UBE2D2: variants seen among roughly 807,000 people sequenced by gnomAD.
The protein encoded by UBE2D2 is ubiquitin conjugating enzyme E2 D2, also known as ubiquitin-conjugating enzyme E2 D2.
In UBE2D2, 2 loss-of-function variants were observed where a neutral mutation model predicts 24.2. That is an observed-to-expected ratio of 0.08 (90% CI 0.03 to 0.26). UBE2D2 has a LOEUF of 0.26. Among genes scored for constraint, UBE2D2 ranks in the 10% least tolerant of loss-of-function variants. The pLI, the probability that UBE2D2 is intolerant of heterozygous loss-of-function variation, is 1.00. For synonymous variants in UBE2D2, 58 were observed against 56.5 expected (o/e 1.03, Z -0.12); for missense variants, 44 against 177.6 (o/e 0.25, Z 4.28).
intron 1 of UBE2D2, among the ~76,000 whole-genome samples, chr5:139,527,499 G>A (rs1244685311): frequency 6.6e-6 from 1 of 152,210 alleles, no homozygotes; most frequent in Non-Finnish European, 1.5e-5. Context: ...AGTGTAACAT[G>A]TATTATGGTA....
Position 139,561,561 on chromosome 5 carries a change from G to A in UBE2D2, c.-231G>A, listed in dbSNP as rs1003825827. On this transcript the variant is annotated 5_prime_UTR_variant, in exon 1 of 7. Coordinates refer to ENST00000398733, the MANE Select transcript of UBE2D2 (RefSeq NM_003339.3). ...GGCGGCGGCGGCGGTGGCGGCTAGG[G>A]CGGCGGCGAATAAAGGGGCCGCCGC... 331 of 422,400 alleles carry A rather than the reference G, an allele frequency of 7.8e-4. No homozygotes were observed. The highest frequency in any genetic ancestry group is 1.2e-3 in the Non-Finnish European group (281 of 240,168). The allele number at this position is 422,400 out of a possible 1,614,324, so 26.2% of individuals were successfully genotyped here.
At chr5:139,571,054 G>C (rs1235654045) in intron 1 of UBE2D2, among the ~76,000 whole-genome samples, 2 of 152,162 alleles carry the variant, frequency 1.3e-5, no homozygotes, top group African/African-American at 4.8e-5. Flanking sequence ...CAGAGTACCT[G>C]TTCTGCAGAG....
At chr5:139,580,006 G>A (rs1266802859) in intron 1 of UBE2D2, among the ~76,000 whole-genome samples, 3 of 149,916 alleles carry the variant, frequency 2.0e-5, no homozygotes, top group African/African-American at 4.9e-5. Flanking sequence ...AGATCATGCC[G>A]TTGCACACCT....
At chr5:139,588,353 G>A (rs535924408) in intron 1 of UBE2D2, among the ~76,000 whole-genome samples, 109 of 151,670 alleles carry the variant, frequency 7.2e-4, no homozygotes, top group Non-Finnish European at 1.1e-3. Flanking sequence ...TCAGCTCACT[G>A]CAACCTCCGC....
chr5:139,611,173 T>G lies in UBE2D2; in HGVS notation c.89-3413T>G, dbSNP rs966452451. On this transcript the variant is annotated intron_variant, in intron 2 of 6. Transcript: ENST00000398733. Reference sequence around the variant, plus strand: ...AGTAGTTCTAGATGACAAGTTTTCCTTCTTTTTTTTTTTTTTTTTTTTTTT... The same window carrying G: ...AGTAGTTCTAGATGACAAGTTTTCCGTCTTTTTTTTTTTTTTTTTTTTTTT... 2.3e-5 allele frequency among the ~76,000 whole-genome samples: 3 copies of G among 130,000 alleles called. No homozygotes were observed. In the Admixed American group the frequency reaches 2.8e-4, roughly 12 times the overall value. 85.3% of individuals were successfully genotyped at this position (130,000 alleles called of 152,430 possible).
intron 1 of UBE2D2, among the ~76,000 whole-genome samples, chr5:139,573,692 G>A (rs552017997): frequency 7.0e-4 from 106 of 152,144 alleles, no homozygotes; most frequent in Non-Finnish European, 1.2e-3. Context: ...TTTCTCGGCC[G>A]GGCGCAGTGG....
intron 1 of UBE2D2, among the ~76,000 whole-genome samples, chr5:139,553,749 C>G (rs1403480251): frequency 6.6e-6 from 1 of 152,018 alleles, no homozygotes; most frequent in Non-Finnish European, 1.5e-5. Flanking sequence ...TACAATAAAT[C>G]TTTAATGTTT....
chr5:139,598,634 C>T (rs541672184), intron 1 of UBE2D2, among the ~76,000 whole-genome samples: 39 of 143,084 alleles, frequency 2.7e-4, no homozygotes, highest in African/African-American at 9.7e-4. Flanking sequence ...GATCTCGGCT[C>T]ACTGCAACCT....
chr5:139,585,935 C>CAAAAAAAAAA (rs60277561), intron 1 of UBE2D2, among the ~76,000 whole-genome samples: 4 of 25,562 alleles, frequency 1.6e-4, no homozygotes, highest in Admixed American at 4.8e-4. Context: ...GACTCTGTCT[C>CAAAAAAAAAA]AAAAAAAAAA....
chr5:139,560,989 G>C (rs976521880), upstream of UBE2D2, among the ~76,000 whole-genome samples: 1 of 152,192 alleles, frequency 6.6e-6, no homozygotes, highest in East Asian at 1.9e-4. Context: ...GTGGGCCTAA[G>C]TGCCTCCTCC....
chr5:139,529,798 A>G (rs537092321), intron 1 of UBE2D2, among the ~76,000 whole-genome samples: 14 of 152,334 alleles, frequency 9.2e-5, no homozygotes, highest in African/African-American at 3.4e-4. Context: ...ATGATGAACT[A>G]AATGTGCCAG....
chr5:139,589,729 T>A (rs771566074), intron 1 of UBE2D2, among the ~76,000 whole-genome samples: 4 of 152,224 alleles, frequency 2.6e-5, no homozygotes, highest in Non-Finnish European at 5.9e-5. Flanking sequence ...AATCATTTGT[T>A]GTATGAAACA....
chr5:139,605,839 A>G (rs965503804), intron 2 of UBE2D2, among the ~76,000 whole-genome samples: 2 of 151,458 alleles, frequency 1.3e-5, no homozygotes, highest in Admixed American at 6.6e-5. Flanking sequence ...CCTGGGCTCA[A>G]GGGATCCTCC....
chr5:139,573,459 TATAA>T (rs1307694320), intron 1 of UBE2D2, among the ~76,000 whole-genome samples: 4 of 152,164 alleles, frequency 2.6e-5, no homozygotes, highest in African/African-American at 9.7e-5. Context: ...TTCATTGCAG[TATAA>T]TATGAAAATT....
upstream of UBE2D2, among the ~76,000 whole-genome samples, chr5:139,559,864 C>T (rs1333322303): frequency 6.6e-6 from 1 of 152,138 alleles, no homozygotes; most frequent in African/African-American, 2.4e-5. Context: ...TGTGTAAGGC[C>T]TCTAGCCCTG....
chr5:139,627,689 A>G lies in UBE2D2; in HGVS notation c.*888A>G, dbSNP rs1454353194. ...AAACTGGTTACTACAGTCATTACAT[A>G]TAATTTTGTGTGAATAGGCTTTTTC... On this transcript the variant is annotated 3_prime_UTR_variant, in exon 7 of 7. Coordinates refer to ENST00000398733, the MANE Select transcript of UBE2D2 (RefSeq NM_003339.3). 1 of 152,662 alleles carries G rather than the reference A, an allele frequency of 6.6e-6. No homozygotes were observed. 9.5% of individuals were successfully genotyped at this position (152,662 alleles called of 1,614,324 possible).
At chr5:139,626,044 T>A (rs1348937901) in intron 6 of UBE2D2, among the ~76,000 whole-genome samples, 2 of 152,174 alleles carry the variant, frequency 1.3e-5, no homozygotes, top group Non-Finnish European at 2.9e-5. Context: ...ATTGTTTTAT[T>A]GATATGAAAG....
chr5:139,619,863 C>CAAAAAAAAAAA (rs36010124), intron 5 of UBE2D2, among the ~76,000 whole-genome samples: 2 of 149,874 alleles, frequency 1.3e-5, no homozygotes, highest in African/African-American at 4.9e-5. Context: ...AACTCCGTCT[C>CAAAAAAAAAAA]AAAAAAAAAG....
At chr5:139,606,323 G>A (rs546750340) in intron 2 of UBE2D2, among the ~76,000 whole-genome samples, 60 of 151,966 alleles carry the variant, frequency 3.9e-4, no homozygotes, top group African/African-American at 1.4e-3. Context: ...CACCACGACC[G>A]ACTAATTTTT....
Sources: gnomAD v4.1 joint callset for allele counts (sites outside exome capture counted in the v4.1 genomes callset) on GRCh38, gnomAD v4.1.1 for gene constraint, MANE v1.5 for transcripts, NCBI Gene and HGNC (gene_info 2026-07-23, HGNC 2026-07-21) for gene names.